The following ITFG2 variants were observed in gnomAD, a reference collection of about 807,000 sequenced individuals.
The protein encoded by ITFG2 is integrin alpha FG-GAP repeat containing 2.
ITFG2 carries 36 observed loss-of-function variants against 54.4 expected under a neutral mutation model. That is an observed-to-expected ratio of 0.66 (90% CI 0.51 to 0.87). The LOEUF (loss-of-function observed/expected upper bound fraction) is 0.87, where lower values mean the gene tolerates loss of function less well. ITFG2 is among the 40% of genes least tolerant of loss of function. The pLI, the probability that ITFG2 is intolerant of heterozygous loss-of-function variation, is 0.00. For missense variants in ITFG2, 524 were observed against 576.7 expected (o/e 0.91, Z 0.94); for synonymous variants, 211 against 225.4 (o/e 0.94, Z 0.57).
upstream of ITFG2, among the ~76,000 whole-genome samples, chr12:2,833,999 C>T (rs1052637585): frequency 1.4e-4 from 21 of 152,188 alleles, no homozygotes; most frequent in African/African-American, 5.1e-4. Flanking sequence ...AGTTTTCCGC[C>T]GCCCACTCAC....
In ITFG2 at chr12:2,856,925, G is replaced by T. The variant is rs1016216518; in HGVS notation, n.301-1087G>T. The T allele has an allele frequency of 4.0e-5, 28 of 703,030 alleles. No homozygotes were observed. The East Asian group carries it at 5.1e-4, about 13-fold the overall frequency. The allele number at this position is 703,030 out of a possible 1,614,324, so 43.5% of individuals were successfully genotyped here. ...CCTGTAGCCCAGTGGGGTACAAAAA[G>T]GTAGGCGGCAGAGATGGGCCACCCC... On this transcript the variant is annotated intron_variant and non_coding_transcript_variant, in intron 2 of 3. Coordinates refer to the ITFG2 transcript ENST00000537710.
chr12:2,840,174 C>T (rs1004576428), intron 1 of ITFG2, among the ~76,000 whole-genome samples: 4 of 151,670 alleles, frequency 2.6e-5, no homozygotes, highest in African/African-American at 4.8e-5. Flanking sequence ...GATGGCCGGG[C>T]GCAGTGGCTC....
At chr12:2,815,503 C>T (rs918590636) in intron 1 of ITFG2, among the ~76,000 whole-genome samples, 23 of 152,248 alleles carry the variant, frequency 1.5e-4, no homozygotes, top group African/African-American at 5.5e-4. Flanking sequence ...CAGGCCCCAC[C>T]ATCCTTTGTG....
intron 9 of ITFG2, among the ~76,000 whole-genome samples, chr12:2,822,197 C>T (rs1482600704): frequency 6.6e-6 from 1 of 152,188 alleles, no homozygotes; most frequent in Non-Finnish European, 1.5e-5. Flanking sequence ...GTTGGAATTA[C>T]AGGCATGAGC....
intron 2 of ITFG2, among the ~76,000 whole-genome samples, chr12:2,855,975 T>G (rs150718020): frequency 4.9e-4 from 74 of 152,164 alleles, no homozygotes; most frequent in African/African-American, 1.7e-3. Context: ...GACGCTTTCC[T>G]CCCACTCCTC....
At chr12:2,849,894 A>G (rs2098064606) in intron 2 of ITFG2, among the ~76,000 whole-genome samples, 1 of 152,238 alleles carries the variant, frequency 6.6e-6, no homozygotes, top group African/African-American at 2.4e-5. Context: ...GCTCAACTGG[A>G]TAACTGCCTC....
At chr12:2,813,525 A>G (rs573287839) in intron 1 of ITFG2, among the ~76,000 whole-genome samples, 9 of 152,348 alleles carry the variant, frequency 5.9e-5, no homozygotes, top group African/African-American at 2.2e-4. Context: ...GCTGTGTAAT[A>G]GTCACCGGAT....
downstream of ITFG2, among the ~76,000 whole-genome samples, chr12:2,831,599 A>G (rs972208639): frequency 1.3e-5 from 2 of 151,828 alleles, no homozygotes; most frequent in Non-Finnish European, 2.9e-5. Flanking sequence ...AAAAAACCAA[A>G]CAAAAAAAAC....
chr12:2,821,661 A>C (rs998206178), intron 8 of ITFG2, 31 bp from the exon 9 acceptor site: 1 of 1,613,404 alleles, frequency 6.2e-7, no homozygotes, highest in South Asian at 1.1e-5. Context: ...GGCCTATCCC[A>C]CCCACACTCA....
downstream of ITFG2, chr12:2,827,119 A>G: frequency 2.5e-6 from 4 of 1,591,692 alleles, no homozygotes. This position sits in a 1 kb window ranked among gnomAD's most constrained non-coding sequence, Gnocchi z 4.0. Flanking sequence ...CATAGTCCCC[A>G]GCTACCTGGC....
chr12:2,813,484 G>C (rs1222703262), intron 1 of ITFG2, among the ~76,000 whole-genome samples: 2 of 152,178 alleles, frequency 1.3e-5, no homozygotes, highest in African/African-American at 4.8e-5. Context: ...ATGAACGAGA[G>C]AGTTCCAGTC....
At chr12:2,836,634 G>A (rs2098028557), upstream of ITFG2, 2 of 152,276 alleles carry the variant, frequency 1.3e-5, no homozygotes, top group African/African-American at 4.8e-5. Context: ...CTAACCCCTA[G>A]TACCTCAGAA....
At chr12:2,840,079 C>T (rs925368010) in intron 1 of ITFG2, among the ~76,000 whole-genome samples, 3 of 150,546 alleles carry the variant, frequency 2.0e-5, no homozygotes, top group Non-Finnish European at 4.4e-5. Flanking sequence ...CTAACAAACC[C>T]GCACATGTGC....
chr12:2,852,390 A>G (rs7297148), intron 2 of ITFG2, among the ~76,000 whole-genome samples: 23,438 of 151,658 alleles, frequency 0.15, 1,921 homozygotes, highest in South Asian at 0.29. Flanking sequence ...CTTTTGAGCT[A>G]GGGTCTCACC....
chr12:2,837,917 A>G (rs1431395143), intron 1 of ITFG2, among the ~76,000 whole-genome samples: 3 of 152,176 alleles, frequency 2.0e-5, no homozygotes, highest in Non-Finnish European at 4.4e-5. Context: ...CTCTCTCCCA[A>G]GGTCTGTTCA....
chr12:2,859,434 G>C, intron 3 of ITFG2: 1 of 1,614,076 alleles, frequency 6.2e-7, no homozygotes, highest in Non-Finnish European at 8.5e-7. Context: ...CCAGGAGTGA[G>C]ATGATTCCTC....
At chr12:2,854,991 C>T (rs1280347959) in intron 2 of ITFG2, 5 of 1,536,188 alleles carry the variant, frequency 3.3e-6, no homozygotes, top group Non-Finnish European at 4.4e-6. Flanking sequence ...CCTCCTTCAA[C>T]TCCTTCACTG....
At chr12:2,837,823 T>G (rs1208524586) in intron 1 of ITFG2, among the ~76,000 whole-genome samples, 1 of 152,144 alleles carries the variant, frequency 6.6e-6, no homozygotes, top group East Asian at 1.9e-4. Context: ...AGCGAGACAC[T>G]GTCTCTAAAA....
At position 2,823,794 on chromosome 12, in the gene ITFG2, G is replaced by A. The variant is rs771273459; in HGVS notation, c.1091G>A (p.Arg364His). ...GGCCTGTACGCCTGCAAAGAGGGCC[G>A]CAACAGCCCCTGCCTCGTATATGTC... ...CAGLYACKEG[R>H]NSPCLVYVTF... Residue 364 changes from arginine to histidine, a missense_variant, in exon 11 of 12, where the codon CGC becomes CAC. Physicochemically the swap from Arg to His is conservative, Grantham distance 29. Coordinates refer to ENST00000228799, the MANE Select transcript of ITFG2 (RefSeq NM_018463.4). 4.5e-5 allele frequency: 71 copies of A among 1,578,982 alleles called. No homozygotes were observed. Among genetic ancestry groups the A allele is most frequent in the Non-Finnish European group, 5.8e-5 (67 of 1,160,782 alleles).
Sources: gnomAD v4.1 joint callset for allele counts (sites outside exome capture counted in the v4.1 genomes callset) on GRCh38, gnomAD v4.1.1 for gene constraint, Gnocchi (gnomAD v3.1) non-coding constraint, MANE v1.5 for transcripts, NCBI Gene and HGNC (gene_info 2026-07-23, HGNC 2026-07-21) for gene names.